STXBP4: variants seen among roughly 807,000 people sequenced by gnomAD.
STXBP4 encodes syntaxin-binding protein 4.
In STXBP4, 55 loss-of-function variants were observed where a neutral mutation model predicts 76.1. The observed-to-expected ratio is 0.72, with a 90% confidence interval of 0.58 to 0.91. STXBP4 has a LOEUF of 0.91. Ranked by LOEUF, STXBP4 falls within the 40% of genes least tolerant of loss-of-function variation. The pLI, the probability that STXBP4 is intolerant of heterozygous loss-of-function variation, is 0.00. For synonymous variants in STXBP4, 201 were observed against 220.2 expected (o/e 0.91, Z 0.77); for missense variants, 618 against 636.9 (o/e 0.97, Z 0.32).
At chr17:55,185,744 A>G in the STXBP4 span, among the ~76,000 whole-genome samples, 1 of 152,200 alleles carries the variant, frequency 6.6e-6, no homozygotes, top group Admixed American at 6.5e-5. Flanking sequence ...TGCCAGGACC[A>G]CAGAGGAGAC....
intron 16 of STXBP4, among the ~76,000 whole-genome samples, chr17:55,112,679 T>C (rs140831853): frequency 3.3e-5 from 5 of 152,262 alleles, no homozygotes; most frequent in Admixed American, 3.3e-4. Flanking sequence ...GAAAGGTCAG[T>C]ATTTGAAGAT....
At chr17:55,062,266 T>C (rs907814327) in intron 12 of STXBP4, among the ~76,000 whole-genome samples, 2 of 152,050 alleles carry the variant, frequency 1.3e-5, no homozygotes, top group Non-Finnish European at 1.5e-5. Context: ...CAGGCCCCAG[T>C]GTGTGATGAT....
In STXBP4 at chr17:54,990,898, C is replaced by G; in HGVS notation, c.121C>G (p.Arg41Gly). 6.2e-7 allele frequency: 1 copy of G among 1,603,654 alleles called. No homozygotes were observed. Among genetic ancestry groups the G allele is most frequent in the Non-Finnish European group, 8.5e-7 (1 of 1,176,258 alleles). Residue 41 changes from arginine (R) to glycine (G), a missense_variant, in exon 4 of 18, where the codon CGG becomes GGG. Transcript: ENST00000376352. ...CCTGAAGGTACTAGGAGGAATTAAC[C>G]GGAATGAAGGCCCATTGGTATATAT... ...LGLKVLGGIN[R>G]NEGPLVYIQE...
In STXBP4 at chr17:55,058,504, T is replaced by G. The variant is rs375624470; in HGVS notation, c.1011+11350T>G. On this transcript the variant is annotated intron_variant, in intron 12 of 17. Transcript: ENST00000376352. ...AACTTTTTTGACAGATGTAAAAGGG[T>G]TAAAAATATCTACACTGCAAGTTTG... 4.6e-5 allele frequency among the ~76,000 whole-genome samples: 7 copies of G among 152,074 alleles called. No individual in the cohort carries two copies. In the East Asian group the frequency reaches 1.2e-3, roughly 25 times the overall value.
chr17:55,114,249 C>T (rs547354798), intron 16 of STXBP4, among the ~76,000 whole-genome samples: 8 of 152,118 alleles, frequency 5.3e-5, no homozygotes, highest in Middle Eastern at 6.8e-3. Context: ...AACCTTACTC[C>T]TGGAAACTGA....
At chr17:55,047,450 G>C (rs1256920896) in intron 12 of STXBP4, among the ~76,000 whole-genome samples, 1 of 150,544 alleles carries the variant, frequency 6.6e-6, no homozygotes, top group South Asian at 2.1e-4. Context: ...CTTCTCCATT[G>C]TTTTTTCTTT....
At chr17:55,022,752 A>G (rs1039276035) in intron 8 of STXBP4, among the ~76,000 whole-genome samples, 1 of 145,378 alleles carries the variant, frequency 6.9e-6, no homozygotes, top group African/African-American at 2.6e-5. Context: ...AAAAGTACTA[A>G]GACAGGATGG....
rs997918215 is a variant in STXBP4 at position 54,971,913 on chromosome 17, G to T, written c.-157+3098G>T. 2.6e-5 allele frequency among the ~76,000 whole-genome samples: 4 copies of T among 151,976 alleles called. No homozygotes were observed. The East Asian group carries it at 7.7e-4, about 29-fold the overall frequency. ...GCTGGGATTACAGGCATGAGCCACC[G>T]CACCCAGCCTTATCTTTCATGACTT... On this transcript the variant is annotated intron_variant, in intron 1 of 17. Coordinates refer to ENST00000376352, the MANE Select transcript of STXBP4 (RefSeq NM_178509.6).
chr17:55,148,068 T>C (rs867233869), intron 17 of STXBP4, among the ~76,000 whole-genome samples: 4 of 152,194 alleles, frequency 2.6e-5, no homozygotes, highest in Non-Finnish European at 4.4e-5. Context: ...TCTTACAAGA[T>C]GTTCAGTATG....
chr17:55,130,164 G>A (rs1458788563), intron 16 of STXBP4, among the ~76,000 whole-genome samples: 3 of 152,108 alleles, frequency 2.0e-5, no homozygotes, highest in Admixed American at 2.0e-4. Context: ...AAATTAATTT[G>A]AAAATAAATT....
At chr17:55,015,801 G>A (rs755357419) in intron 8 of STXBP4, among the ~76,000 whole-genome samples, 1 of 152,174 alleles carries the variant, frequency 6.6e-6, no homozygotes, top group Non-Finnish European at 1.5e-5. Context: ...TTCCTGTAGG[G>A]CATAAATCAC....
intron 16 of STXBP4, among the ~76,000 whole-genome samples, chr17:55,116,017 G>A (rs559845677): frequency 1.5e-4 from 23 of 151,956 alleles, no homozygotes; most frequent in African/African-American, 5.3e-4. Context: ...TGGTAACCCA[G>A]TATAGGTGTA....
At chr17:55,072,293 A>G (rs2079129440) in intron 12 of STXBP4, among the ~76,000 whole-genome samples, 1 of 152,222 alleles carries the variant, frequency 6.6e-6, no homozygotes, top group Non-Finnish European at 1.5e-5. Flanking sequence ...GTGAGAAAAG[A>G]CACGTGATGC....
rs888052202 is a variant in STXBP4, at chr17:55,165,244, G to A, written c.*5333G>A. ...GGAAGATGAGGCTTTCTTACTCACTGTCTAGGAAATAATTCTCCTGGCTGT... is the reference window on the plus strand; with the variant it reads ...GGAAGATGAGGCTTTCTTACTCACTATCTAGGAAATAATTCTCCTGGCTGT... On this transcript the variant is annotated 3_prime_UTR_variant, in exon 18 of 18. Coordinates refer to ENST00000376352, the MANE Select transcript of STXBP4 (RefSeq NM_178509.6). The A allele has an allele frequency of 6.6e-6, 1 of 152,206 alleles. No homozygotes were observed. The highest frequency in any genetic ancestry group is 2.4e-5 in the African/African-American group (1 of 41,450). The allele number at this position is 152,206 out of a possible 1,614,324, so 9.4% of individuals were successfully genotyped here. A position where few individuals can be genotyped will look rare whatever the true frequency, so the allele number is the denominator to read the frequency against.
Position 55,078,739 on chromosome 17 carries a change from A to G in STXBP4, c.1355+4A>G. On this transcript the variant is annotated splice_donor_region_variant and intron_variant, in intron 15 of 17. Transcript: ENST00000376352. Reference sequence around the variant, plus strand: ...CTACTCCTTTATCAAATTTAAGGTAAGAAAATTTAAGTGCTTTTTGCAGAA... The same window carrying G: ...CTACTCCTTTATCAAATTTAAGGTAGGAAAATTTAAGTGCTTTTTGCAGAA... 1 of 1,477,140 alleles carries G rather than the reference A, an allele frequency of 6.8e-7. No homozygotes were observed. Among genetic ancestry groups the G allele is most frequent in the South Asian group, 1.2e-5 (1 of 86,746 alleles). The allele number at this position is 1,477,140 out of a possible 1,614,324, so 91.5% of individuals were successfully genotyped here.
intron 17 of STXBP4, among the ~76,000 whole-genome samples, chr17:55,143,286 T>G (rs1003264569): frequency 3.3e-5 from 5 of 152,170 alleles, no homozygotes; most frequent in African/African-American, 1.2e-4. Context: ...AATGCATGAT[T>G]AAAAGAAAGA....
chr17:55,170,971 CT>C lies in STXBP4; in HGVS notation c.*11062del, dbSNP rs1250928736. 3 of 152,154 alleles carry C rather than the reference CT, an allele frequency of 2.0e-5. No individual in the cohort carries two copies. The highest frequency in any genetic ancestry group is 2.0e-4 in the Admixed American group (3 of 15,276). The allele number at this position is 152,154 out of a possible 1,614,324, so 9.4% of individuals were successfully genotyped here. On this transcript the variant is annotated 3_prime_UTR_variant, in exon 18 of 18. Transcript: ENST00000376352. Reference sequence around the variant, plus strand: ...CCAATTCTGTGATTATGGATGTCAACTTATCTCAGAGCAGTATCATTGGTTG... The same window carrying C: ...CCAATTCTGTGATTATGGATGTCAACTATCTCAGAGCAGTATCATTGGTTG...
intron 12 of STXBP4, among the ~76,000 whole-genome samples, chr17:55,071,475 G>C (rs1324157151): frequency 6.6e-6 from 1 of 152,098 alleles, no homozygotes; most frequent in Non-Finnish European, 1.5e-5. Flanking sequence ...GCTCTTCCTA[G>C]AAAGCTCCTC....
chr17:54,979,580 A>C (rs1230802338), intron 1 of STXBP4, among the ~76,000 whole-genome samples: 1 of 152,162 alleles, frequency 6.6e-6, no homozygotes, highest in Non-Finnish European at 1.5e-5. Flanking sequence ...GAAATTCTCC[A>C]ATCAGTCTAC....
Sources: gnomAD v4.1 joint callset for allele counts (sites outside exome capture counted in the v4.1 genomes callset) on GRCh38, gnomAD v4.1.1 for gene constraint, MANE v1.5 for transcripts, NCBI Gene and HGNC (gene_info 2026-07-23, HGNC 2026-07-21) for gene names.